Variants in HS3ST4 observed in about 807,000 individuals in gnomAD.
HS3ST4 encodes heparan sulfate-glucosamine 3-sulfotransferase 4.
HS3ST4 carries 17 observed loss-of-function variants against 29.2 expected under a neutral mutation model. That is an observed-to-expected ratio of 0.58 (90% CI 0.40 to 0.87). HS3ST4 has a LOEUF of 0.87. HS3ST4 is among the 40% of genes least tolerant of loss of function. The pLI, the probability that HS3ST4 is intolerant of heterozygous loss-of-function variation, is 0.00. For missense variants in HS3ST4, 627 were observed against 634.5 expected (o/e 0.99, Z 0.13); for synonymous variants, 314 against 285.7 (o/e 1.10, Z -1.00).
intron 1 of HS3ST4, among the ~76,000 whole-genome samples, chr16:26,093,838 C>T (rs1202123431): frequency 6.6e-6 from 1 of 152,078 alleles, no homozygotes; most frequent in Non-Finnish European, 1.5e-5. Flanking sequence ...CTTGTTCAAA[C>T]CCATCGCAAG....
At chr16:25,828,284 CTTTCTTTCTTTCTTTCCCTCT>C (rs1967249915) in intron 1 of HS3ST4, among the ~76,000 whole-genome samples, 2 of 89,452 alleles carry the variant, frequency 2.2e-5, no homozygotes, top group Non-Finnish European at 4.4e-5. Flanking sequence ...TTCTTTCTTT[CTTTCTTTCTTTCTTTCCCTCT>C]CTCTCTCTCT....
intron 1 of HS3ST4, among the ~76,000 whole-genome samples, chr16:25,907,566 G>A (rs1305052598): frequency 1.3e-5 from 2 of 152,172 alleles, no homozygotes; most frequent in Non-Finnish European, 2.9e-5. Flanking sequence ...CGCCTGCCAT[G>A]GCTGGACAGC....
chr16:25,841,418 A>G (rs139961714), intron 1 of HS3ST4, among the ~76,000 whole-genome samples: 2,500 of 152,030 alleles, frequency 0.016, 69 homozygotes, highest in African/African-American at 0.056. Flanking sequence ...CTCCCACTTC[A>G]GCCTCTGGAA....
chr16:26,128,598 G>A (rs997216414), intron 1 of HS3ST4, among the ~76,000 whole-genome samples: 5 of 152,160 alleles, frequency 3.3e-5, no homozygotes, highest in African/African-American at 4.8e-5. Flanking sequence ...TTTGCCTTCA[G>A]GATTTTCAGA....
intron 1 of HS3ST4, among the ~76,000 whole-genome samples, chr16:25,729,584 G>A (rs1339256343): frequency 6.6e-6 from 1 of 152,178 alleles, no homozygotes; most frequent in African/African-American, 2.4e-5. Flanking sequence ...GTACAAATTA[G>A]TGATGCCTTG....
At chr16:25,898,347 C>G (rs950158595) in intron 1 of HS3ST4, among the ~76,000 whole-genome samples, 4 of 152,210 alleles carry the variant, frequency 2.6e-5, no homozygotes, top group Non-Finnish European at 5.9e-5. Context: ...CATTTATTAA[C>G]AGCAAGTCTT....
chr16:26,037,595 G>C lies in HS3ST4; in HGVS notation c.735-98017G>C, dbSNP rs561317411. Among the ~76,000 whole-genome samples the C allele has an allele frequency of 3.9e-5, 6 of 152,240 alleles. No homozygotes were observed. In the East Asian group the frequency reaches 1.2e-3, roughly 29 times the overall value. Reference sequence around the variant, plus strand: ...TTGGCAAATAAATCTGAGAAATAGAGGATTCTAAATCTAAACTTGACCTTC... The same window carrying C: ...TTGGCAAATAAATCTGAGAAATAGACGATTCTAAATCTAAACTTGACCTTC... On this transcript the variant is annotated intron_variant, in intron 1 of 1. Transcript: ENST00000331351.
chr16:25,809,742 G>A (rs1008536377), intron 1 of HS3ST4, among the ~76,000 whole-genome samples: 1 of 152,006 alleles, frequency 6.6e-6, no homozygotes, highest in African/African-American at 2.4e-5. Flanking sequence ...GGCTTTTGAG[G>A]AATTGGTTCA....
chr16:26,084,994 G>C (rs1211963642), intron 1 of HS3ST4, among the ~76,000 whole-genome samples: 2 of 152,196 alleles, frequency 1.3e-5, no homozygotes, highest in Admixed American at 6.5e-5. Flanking sequence ...TCCCTGAAGA[G>C]ACTGTGGCTG....
At chr16:25,748,689 G>A (rs1966700128) in intron 1 of HS3ST4, among the ~76,000 whole-genome samples, 1 of 152,188 alleles carries the variant, frequency 6.6e-6, no homozygotes, top group African/African-American at 2.4e-5. Flanking sequence ...TATTCATTCT[G>A]GAGAAGTGAT....
intron 1 of HS3ST4, among the ~76,000 whole-genome samples, chr16:25,721,491 T>C (rs556117042): frequency 1.3e-5 from 2 of 152,328 alleles, no homozygotes; most frequent in Admixed American, 6.5e-5. Context: ...TTTTCACAAA[T>C]TGCATTCAAA....
At chr16:26,103,974 A>G (rs1168723507) in intron 1 of HS3ST4, among the ~76,000 whole-genome samples, 4 of 152,230 alleles carry the variant, frequency 2.6e-5, no homozygotes, top group African/African-American at 4.8e-5. Context: ...TTAAATTGAA[A>G]TGCTCTTAAA....
At chr16:25,923,203 C>T (rs1296540686) in intron 1 of HS3ST4, among the ~76,000 whole-genome samples, 1 of 152,198 alleles carries the variant, frequency 6.6e-6, no homozygotes, top group Admixed American at 6.5e-5. Flanking sequence ...CTAGTTTTCT[C>T]TTCTCTGGAA....
intron 1 of HS3ST4, among the ~76,000 whole-genome samples, chr16:25,709,877 C>T (rs1260518676): frequency 2.0e-5 from 3 of 151,968 alleles, no homozygotes. Context: ...TAGCAGCTGC[C>T]TAGAAAATTT....
intron 1 of HS3ST4, among the ~76,000 whole-genome samples, chr16:26,103,792 G>A (rs1252296360): frequency 2.6e-5 from 4 of 151,930 alleles, no homozygotes; most frequent in Non-Finnish European, 5.9e-5. Flanking sequence ...ATTCGTTTTG[G>A]TCCCTGAAAA....
At position 25,915,280 on chromosome 16, in the gene HS3ST4, C is replaced by T. The variant is rs137897252; in HGVS notation, c.735-220332C>T. 4.9e-3 allele frequency among the ~76,000 whole-genome samples: 748 copies of T among 152,248 alleles called. 8 individuals carry two copies. The highest frequency in any genetic ancestry group is 0.017 in the African/African-American group (693 of 41,550). On this transcript the variant is annotated intron_variant, in intron 1 of 1. Transcript: ENST00000331351. ...CCACCGCGGAGCATCTCCTCTGAGC[C>T]CAATAGATCTGCTTGCTGTCTCTCT...
intron 1 of HS3ST4, among the ~76,000 whole-genome samples, chr16:25,750,321 A>T (rs1966710937): frequency 6.6e-6 from 1 of 152,176 alleles, no homozygotes; most frequent in East Asian, 1.9e-4. Context: ...AAGCCGCATG[A>T]TCTTTATAAC....
At chr16:25,720,928 A>G (rs975210971) in intron 1 of HS3ST4, among the ~76,000 whole-genome samples, 2 of 152,234 alleles carry the variant, frequency 1.3e-5, no homozygotes, top group African/African-American at 4.8e-5. Context: ...TTTGGCAAAA[A>G]AGAGCAGGCT....
At chr16:25,799,499 C>T (rs565324827) in intron 1 of HS3ST4, among the ~76,000 whole-genome samples, 10 of 152,262 alleles carry the variant, frequency 6.6e-5, no homozygotes, top group Middle Eastern at 3.4e-3. Flanking sequence ...GTTTCAGTGT[C>T]TAACCTTTCA....
Sources: allele counts gnomAD v4.1 joint callset (sites outside exome capture counted in the v4.1 genomes callset), GRCh38; gene constraint gnomAD v4.1.1; transcripts MANE v1.5; gene names NCBI Gene and HGNC (gene_info 2026-07-23, HGNC 2026-07-21).